Variants in CCSER1 observed in about 807,000 individuals in gnomAD.
CCSER1 encodes serine-rich coiled-coil domain-containing protein 1.
CCSER1 carries 41 observed loss-of-function variants against 82.0 expected under a neutral mutation model. The observed-to-expected ratio is 0.50, with a 90% CI of 0.39 to 0.65. The LOEUF (loss-of-function observed/expected upper bound fraction) is 0.65. Among genes scored for constraint, CCSER1 ranks in the 30% least tolerant of loss-of-function variants. The pLI is 0.00. For missense variants in CCSER1, 1,119 were observed against 1,064.2 expected, an observed-to-expected ratio of 1.05 and a Z score of -0.72; for synonymous variants, 414 against 383.9, an observed-to-expected ratio of 1.08 and a Z score of -0.92.
intron 9 of CCSER1, among the ~76,000 whole-genome samples, chr4:91,018,529 T>C (rs1170300784): frequency 1.3e-5 from 2 of 152,092 alleles, no homozygotes; most frequent in Non-Finnish European, 2.9e-5. Flanking sequence ...TATTCCCTAG[T>C]TTATAGTCCT....
chr4:91,538,153 G>A (rs1761391517), intron 10 of CCSER1, among the ~76,000 whole-genome samples: 1 of 151,950 alleles, frequency 6.6e-6, no homozygotes, highest in South Asian at 2.1e-4. Context: ...TTACTCTAAT[G>A]AAAGAAATTC....
At chr4:90,797,283 G>T (rs1158354097) in intron 7 of CCSER1, among the ~76,000 whole-genome samples, 1 of 151,978 alleles carries the variant, frequency 6.6e-6, no homozygotes, top group Admixed American at 6.6e-5. Context: ...AGTCTGTTTT[G>T]GCTGAAACTA....
intron 10 of CCSER1, among the ~76,000 whole-genome samples, chr4:91,537,826 T>C (rs1343728102): frequency 6.7e-6 from 1 of 149,544 alleles, no homozygotes; most frequent in Non-Finnish European, 1.5e-5. Context: ...ATGTTTTTTT[T>C]CTTTATATTC....
At chr4:90,632,160 CT>C (rs970784009) in intron 6 of CCSER1, among the ~76,000 whole-genome samples, 1 of 151,888 alleles carries the variant, frequency 6.6e-6, no homozygotes, top group African/African-American at 2.4e-5. Flanking sequence ...AAATTTACTT[CT>C]TTCTAAATTT....
chr4:90,305,852 A>G (rs2153476807), intron 1 of CCSER1, among the ~76,000 whole-genome samples: 1 of 152,348 alleles, frequency 6.6e-6, no homozygotes, highest in Admixed American at 6.5e-5. Context: ...AATTGAAATC[A>G]GTATGTCAAA....
At chr4:90,154,167 T>C (rs1427506369) in intron 1 of CCSER1, among the ~76,000 whole-genome samples, 2 of 152,226 alleles carry the variant, frequency 1.3e-5, no homozygotes, top group African/African-American at 4.8e-5. Flanking sequence ...TTCTCAGGTT[T>C]GTCAAAGATC....
At chr4:91,228,471 A>G (rs6843565) in intron 10 of CCSER1, among the ~76,000 whole-genome samples, 75,827 of 151,666 alleles carry the variant, frequency 0.5, 20,059 homozygotes, top group East Asian at 0.86. Flanking sequence ...AGTTACATAT[A>G]TCAATCTGAA....
chr4:90,829,314 G>A (rs2149814992), intron 8 of CCSER1, among the ~76,000 whole-genome samples: 1 of 152,140 alleles, frequency 6.6e-6, no homozygotes. Context: ...TTAAAAAACT[G>A]ATTTTTTAGA....
chr4:90,645,346 C>A (rs1268792215), intron 6 of CCSER1, among the ~76,000 whole-genome samples: 1 of 152,102 alleles, frequency 6.6e-6, no homozygotes, highest in Non-Finnish European at 1.5e-5. Flanking sequence ...GTTGTAAGTG[C>A]TTTTCTTGCA....
rs555258044 is a variant in CCSER1 at position 91,031,529 on chromosome 4, C to A, written c.2173-54421C>A. Reference sequence around the variant, plus strand: ...CCCTAAAACTTAGACATAATGTTTGCAATAAGCATAGTAAATAGCAAACCT... The same window carrying A: ...CCCTAAAACTTAGACATAATGTTTGAAATAAGCATAGTAAATAGCAAACCT... On this transcript the variant is annotated intron_variant, in intron 9 of 10. Transcript: ENST00000509176. Among the ~76,000 whole-genome samples, 11 of 152,184 alleles carry A rather than the reference C, an allele frequency of 7.2e-5. No individual in the cohort carries two copies. The East Asian group carries it at 2.1e-3, about 29-fold the overall frequency.
At chr4:91,454,109 A>T (rs1756012646) in intron 10 of CCSER1, among the ~76,000 whole-genome samples, 1 of 152,110 alleles carries the variant, frequency 6.6e-6, no homozygotes, top group African/African-American at 2.4e-5. Context: ...TATTTTTAAT[A>T]GTGTTTGCAT....
intron 10 of CCSER1, among the ~76,000 whole-genome samples, chr4:91,283,705 G>A (rs113377691): frequency 0.026 from 3,901 of 151,900 alleles, 159 homozygotes; most frequent in African/African-American, 0.089. Flanking sequence ...AGCCTCTTAA[G>A]CCACCTTTAT....
chr4:90,482,281 G>A (rs530605808), intron 5 of CCSER1, among the ~76,000 whole-genome samples: 1 of 151,744 alleles, frequency 6.6e-6, no homozygotes, highest in Non-Finnish European at 1.5e-5. Flanking sequence ...TATTAGTCTT[G>A]CTAGTGGTCT....
chr4:91,180,336 C>T (rs1316105964), intron 10 of CCSER1, among the ~76,000 whole-genome samples: 2 of 152,232 alleles, frequency 1.3e-5, no homozygotes, highest in East Asian at 1.9e-4. Context: ...CTCTTCAAAG[C>T]TGTCAGACAG....
chr4:91,459,526 C>T (rs1177455210), intron 10 of CCSER1, among the ~76,000 whole-genome samples: 2 of 152,050 alleles, frequency 1.3e-5, no homozygotes, highest in Admixed American at 6.6e-5. Flanking sequence ...CTGTGATATA[C>T]GTGGCTCTCC....
At chr4:90,997,813 G>C (rs977565995) in intron 9 of CCSER1, among the ~76,000 whole-genome samples, 1 of 152,046 alleles carries the variant, frequency 6.6e-6, no homozygotes, top group Admixed American at 6.6e-5. Flanking sequence ...CTTTACAAAG[G>C]CTACACTGAG....
chr4:90,514,335 T>C (rs1771952196), intron 5 of CCSER1, among the ~76,000 whole-genome samples: 1 of 152,236 alleles, frequency 6.6e-6, no homozygotes, highest in Admixed American at 6.5e-5. Context: ...TTAGATGGAA[T>C]TAATCATACA....
At chr4:91,421,109 T>G (rs1039899297) in intron 10 of CCSER1, among the ~76,000 whole-genome samples, 3 of 152,108 alleles carry the variant, frequency 2.0e-5, no homozygotes, top group Non-Finnish European at 4.4e-5. Flanking sequence ...ATTAGATGAA[T>G]AAGTTCTGGG....
intron 3 of CCSER1, among the ~76,000 whole-genome samples, chr4:90,387,861 A>G (rs1031588638): frequency 6.6e-6 from 1 of 152,136 alleles, no homozygotes; most frequent in Admixed American, 6.5e-5. Flanking sequence ...CTACCTCCAT[A>G]ATAAACCATA....
Sources: gnomAD v4.1 joint callset for allele counts (sites outside exome capture counted in the v4.1 genomes callset) on GRCh38, gnomAD v4.1.1 for gene constraint, MANE v1.5 for transcripts, NCBI Gene and HGNC (gene_info 2026-07-23, HGNC 2026-07-21) for gene names.